Variants in KIF6 observed in about 807,000 individuals in gnomAD.
The protein encoded by KIF6 is kinesin family member 6, also known as kinesin-like protein KIF6.
A neutral mutation model predicts 112.7 loss-of-function variants in KIF6; 106 were observed. That is an observed-to-expected ratio of 0.94 (90% CI 0.80 to 1.11). The LOEUF is 1.11. KIF6 is among the 50% of genes least tolerant of loss of function. The probability of loss-of-function intolerance (pLI) is 0.00; values close to 1 mark genes in which losing one functional copy is unlikely to be tolerated. For missense variants in KIF6, 929 were observed against 964.0 expected (o/e 0.96, Z 0.48); for synonymous variants, 339 against 339.9 (o/e 1.00, Z 0.03).
intron 3 of KIF6, among the ~76,000 whole-genome samples, chr6:39,665,908 C>G (rs1205140300): frequency 6.6e-6 from 1 of 152,172 alleles, no homozygotes; most frequent in African/African-American, 2.4e-5. Flanking sequence ...TCTGCATACA[C>G]TCATATACAG....
intron 16 of KIF6, among the ~76,000 whole-genome samples, chr6:39,372,615 A>C (rs531975569): frequency 7.9e-5 from 12 of 152,336 alleles, no homozygotes; most frequent in African/African-American, 2.2e-4. Context: ...AAGTTCAGAG[A>C]ATGAGATAAA....
At chr6:39,601,015 G>T (rs1782537373) in intron 6 of KIF6, among the ~76,000 whole-genome samples, 1 of 152,126 alleles carries the variant, frequency 6.6e-6, no homozygotes, top group Non-Finnish European at 1.5e-5. Flanking sequence ...AGTGTAAAAG[G>T]TCATATTAAC....
chr6:39,390,752 C>T (rs1254638354), intron 15 of KIF6, among the ~76,000 whole-genome samples: 1 of 152,152 alleles, frequency 6.6e-6, no homozygotes, highest in East Asian at 1.9e-4. Context: ...AATATGTTTC[C>T]TGCCTGAGGG....
In KIF6 at chr6:39,527,238, G is replaced by A. The variant is rs537080932; in HGVS notation, c.1645+12765C>T. Among the ~76,000 whole-genome samples the A allele has an allele frequency of 2.6e-5, 4 of 152,280 alleles. No homozygotes were observed. In the East Asian group the frequency reaches 7.7e-4, roughly 29 times the overall value. ...ATAGCTGCATAATTAGCATCTAAGTGCCAGAAGCACTGAGAAAGCTGGGAA... is the reference window on the plus strand; with the variant it reads ...ATAGCTGCATAATTAGCATCTAAGTACCAGAAGCACTGAGAAAGCTGGGAA... On this transcript the variant is annotated intron_variant, in intron 13 of 22. Transcript: ENST00000287152.
intron 12 of KIF6, among the ~76,000 whole-genome samples, chr6:39,541,265 C>T (rs957174848): frequency 7.9e-5 from 12 of 152,190 alleles, no homozygotes; most frequent in African/African-American, 2.9e-4. Flanking sequence ...GCTTTAACTC[C>T]CACTTGGTGA....
chr6:39,427,489 A>G (rs1310131973), intron 14 of KIF6, among the ~76,000 whole-genome samples: 1 of 152,178 alleles, frequency 6.6e-6, no homozygotes, highest in Admixed American at 6.5e-5. Flanking sequence ...AAGAGCTCCA[A>G]TCCTAAGAAA....
intron 13 of KIF6, among the ~76,000 whole-genome samples, chr6:39,527,157 G>A (rs1582053730): frequency 6.6e-6 from 1 of 152,146 alleles, no homozygotes; most frequent in Non-Finnish European, 1.5e-5. Context: ...ACTGACTCAA[G>A]GTTTGAAGCA....
chr6:39,533,774 C>T (rs1354298449), intron 13 of KIF6, among the ~76,000 whole-genome samples: 5 of 152,208 alleles, frequency 3.3e-5, no homozygotes, highest in Admixed American at 2.0e-4. Context: ...GGGTCCCTGA[C>T]CCCTGACTCC....
chr6:39,538,006 C>T (rs931476030), intron 13 of KIF6, among the ~76,000 whole-genome samples: 3 of 152,212 alleles, frequency 2.0e-5, no homozygotes, highest in Non-Finnish European at 4.4e-5. Context: ...GGAAAACTGG[C>T]TAGCTATATG....
At chr6:39,643,678 G>A (rs762039213) in intron 3 of KIF6, among the ~76,000 whole-genome samples, 15 of 151,994 alleles carry the variant, frequency 9.9e-5, no homozygotes, top group Non-Finnish European at 1.6e-4. Flanking sequence ...AACTCAAAAC[G>A]AATCACAGAC....
At chr6:39,595,482 C>T (rs7776284) in intron 7 of KIF6, among the ~76,000 whole-genome samples, 63,202 of 151,990 alleles carry the variant, frequency 0.42, 14,700 homozygotes, top group African/African-American at 0.62. Context: ...AAATGGTATA[C>T]ACAAAATGCT....
chr6:39,430,917 T>C (rs1202651927), intron 14 of KIF6, 136 bp downstream of exon 14: 1 of 572,870 alleles, frequency 1.7e-6, no homozygotes, highest in East Asian at 2.9e-5. Flanking sequence ...CATAATTAAA[T>C]GTGAAACTGA....
intron 15 of KIF6, among the ~76,000 whole-genome samples, chr6:39,397,397 C>A (rs941120368): frequency 6.6e-6 from 1 of 152,168 alleles, no homozygotes; most frequent in African/African-American, 2.4e-5. Flanking sequence ...CACCAGAGCT[C>A]TTTCTCCTTT....
At chr6:39,543,368 TTG>T (rs372958428) in intron 12 of KIF6, among the ~76,000 whole-genome samples, 2 of 150,482 alleles carry the variant, frequency 1.3e-5, no homozygotes. Context: ...GGATGAAGGC[TTG>T]TGTGTGTGTG....
chr6:39,438,175 T>C (rs975703450), intron 13 of KIF6, among the ~76,000 whole-genome samples: 1 of 152,164 alleles, frequency 6.6e-6, no homozygotes, highest in African/African-American at 2.4e-5. Flanking sequence ...GATTTCACCA[T>C]GTTGACCAGG....
chr6:39,615,243 A>T (rs1353751274), intron 5 of KIF6, among the ~76,000 whole-genome samples: 1 of 152,126 alleles, frequency 6.6e-6, no homozygotes, highest in African/African-American at 2.4e-5. Flanking sequence ...CTTTGTCAGC[A>T]TGAAGTCAAA....
chr6:39,593,023 C>T (rs1782038033), intron 7 of KIF6, among the ~76,000 whole-genome samples: 1 of 152,162 alleles, frequency 6.6e-6, no homozygotes, highest in Non-Finnish European at 1.5e-5. Context: ...ATTACCAACA[C>T]TCACATGGAT....
chr6:39,621,295 T>A (rs1783807283), intron 5 of KIF6, among the ~76,000 whole-genome samples: 1 of 152,056 alleles, frequency 6.6e-6, no homozygotes, highest in Non-Finnish European at 1.5e-5. Flanking sequence ...AAATAATTCA[T>A]ATTTTCTCCT....
chr6:39,605,151 A>C (rs990840494), intron 6 of KIF6, among the ~76,000 whole-genome samples: 1 of 152,094 alleles, frequency 6.6e-6, no homozygotes, highest in African/African-American at 2.4e-5. Flanking sequence ...TTGCTCTCTG[A>C]ACAATGAAAA....
Sources: gnomAD v4.1 joint callset for allele counts (sites outside exome capture counted in the v4.1 genomes callset) on GRCh38, gnomAD v4.1.1 for gene constraint, MANE v1.5 for transcripts, NCBI Gene and HGNC (gene_info 2026-07-23, HGNC 2026-07-21) for gene names.